Variants in RALGAPA1 observed in about 807,000 individuals in gnomAD.
RALGAPA1 encodes the protein Ral GTPase activating protein catalytic subunit alpha 1.
In RALGAPA1, 52 loss-of-function variants were observed where a neutral mutation model predicts 269.6. The observed-to-expected ratio is 0.19, with a 90% CI of 0.15 to 0.24. RALGAPA1 has a LOEUF of 0.24. Among genes scored for constraint, RALGAPA1 ranks in the 10% least tolerant of loss-of-function variants. RALGAPA1 has a pLI of 1.00. For missense variants in RALGAPA1, 1,917 were observed against 3,013.9 expected, an observed-to-expected ratio of 0.64 and a Z score of 8.52; for synonymous variants, 817 against 1,008.3, an observed-to-expected ratio of 0.81 and a Z score of 3.60.
At chr14:35,739,116 A>G (rs1184357699) in intron 11 of RALGAPA1, among the ~76,000 whole-genome samples, 1 of 152,220 alleles carries the variant, frequency 6.6e-6, no homozygotes, top group Non-Finnish European at 1.5e-5. Context: ...TGAAACTTCA[A>G]ATCACTGAGA....
chr14:35,659,241 C>G, intron 27 of RALGAPA1, 45 bp from the exon 28 acceptor site: 3 of 1,389,734 alleles, frequency 2.2e-6, no homozygotes, highest in Non-Finnish European at 3.0e-6. Flanking sequence ...TGAGATTTCA[C>G]TCATTCATTC....
intron 39 of RALGAPA1, among the ~76,000 whole-genome samples, chr14:35,551,685 A>AG (rs1458422929): frequency 6.6e-6 from 1 of 152,210 alleles, no homozygotes; most frequent in Admixed American, 6.5e-5. Context: ...AATTCATCAA[A>AG]GCAAGAAAAT....
At chr14:35,679,218 T>C (rs1319637165) in intron 21 of RALGAPA1, among the ~76,000 whole-genome samples, 4 of 152,228 alleles carry the variant, frequency 2.6e-5, no homozygotes, top group Non-Finnish European at 4.4e-5. Flanking sequence ...CTTTTTATTT[T>C]AAGCTTCTTT....
chr14:35,637,714 G>A (rs1428494394), intron 31 of RALGAPA1, among the ~76,000 whole-genome samples: 1 of 152,122 alleles, frequency 6.6e-6, no homozygotes, highest in Non-Finnish European at 1.5e-5. Flanking sequence ...TCAAGTACAA[G>A]TAGGTTATAG....
chr14:35,675,443 C>T (rs541137213), intron 22 of RALGAPA1, among the ~76,000 whole-genome samples: 40 of 152,124 alleles, frequency 2.6e-4, no homozygotes, highest in Non-Finnish European at 2.1e-4. Flanking sequence ...CCCAAAGTGT[C>T]GGGATTACAG....
intron 37 of RALGAPA1, among the ~76,000 whole-genome samples, chr14:35,586,173 T>C (rs945490556): frequency 2.6e-5 from 4 of 152,222 alleles, no homozygotes; most frequent in African/African-American, 4.8e-5. Context: ...TTCACATCCA[T>C]TGTAAGTTGG....
At chr14:35,580,825 G>C (rs1428631722) in intron 37 of RALGAPA1, among the ~76,000 whole-genome samples, 1 of 152,074 alleles carries the variant, frequency 6.6e-6, no homozygotes, top group African/African-American at 2.4e-5. Flanking sequence ...GCTTGCCAGA[G>C]GCATGGCTAT....
intron 41 of RALGAPA1, among the ~76,000 whole-genome samples, chr14:35,544,813 G>T (rs548620160): frequency 6.6e-6 from 1 of 152,314 alleles, no homozygotes; most frequent in South Asian, 2.1e-4. Context: ...TTGGGAGGCT[G>T]AGGTGGGTGG....
chr14:35,627,720 C>T lies in RALGAPA1; in HGVS notation c.6227G>A (p.Cys2076Tyr), dbSNP rs1226959953. The stretch of plus-strand genomic sequence containing the variant: ...ATTCTCTTCTGATCTGATCTGGATA[C>T]AGGACACTAAGGTTGTATTATTTAA... ...FVLNNTTLVS[C>Y]IQIRSEENMP... Residue 2076 changes from cysteine (C) to tyrosine (Y), a missense_variant, in exon 34 of 42, where the codon TGT becomes TAT. Physicochemically the swap from Cys to Tyr is radical, Grantham distance 194 (BLOSUM62 -2). This residue lies in a region of RALGAPA1 where 346 missense variants were observed against 566.1 expected (regional missense o/e 0.61). Transcript: ENST00000680220. The T allele has an allele frequency of 6.2e-7, 1 of 1,613,022 alleles. No individual in the cohort carries two copies. Among genetic ancestry groups the T allele is most frequent in the African/African-American group, 1.3e-5 (1 of 74,992 alleles).
chr14:35,803,518 A>T (rs2077125722), intron 1 of RALGAPA1, among the ~76,000 whole-genome samples: 1 of 152,184 alleles, frequency 6.6e-6, no homozygotes, highest in South Asian at 2.1e-4. Flanking sequence ...CAAAGAAACA[A>T]CTTCTTCTTC....
chr14:35,588,231 C>T (rs1456852270), intron 37 of RALGAPA1, among the ~76,000 whole-genome samples: 2 of 152,178 alleles, frequency 1.3e-5, no homozygotes, highest in African/African-American at 4.8e-5. Flanking sequence ...TCCCGGCCAA[C>T]AACTCTTAAA....
At chr14:35,743,492 T>C (rs2071759965) in intron 10 of RALGAPA1, among the ~76,000 whole-genome samples, 1 of 152,178 alleles carries the variant, frequency 6.6e-6, no homozygotes, top group Admixed American at 6.5e-5. Flanking sequence ...GTTACACTTT[T>C]TTGTAACTCA....
At chr14:35,612,403 C>T (rs977992817) in intron 35 of RALGAPA1, among the ~76,000 whole-genome samples, 1 of 148,954 alleles carries the variant, frequency 6.7e-6, no homozygotes, top group Non-Finnish European at 1.5e-5. Flanking sequence ...AAGTCAGACT[C>T]TTCCACCATA....
At chr14:35,702,384 T>C (rs1170777941) in intron 16 of RALGAPA1, among the ~76,000 whole-genome samples, 1 of 152,138 alleles carries the variant, frequency 6.6e-6, no homozygotes, top group Non-Finnish European at 1.5e-5. Flanking sequence ...AGGTAAAAAA[T>C]ATAGAAGCAT....
chr14:35,542,312 G>C (rs902878688), intron 41 of RALGAPA1: 1 of 259,712 alleles, frequency 3.9e-6, no homozygotes, highest in Non-Finnish European at 7.5e-6. Context: ...TTCCACATTA[G>C]ACAGTGCAGA....
chr14:35,645,244 C>T (rs2139901108), intron 31 of RALGAPA1, among the ~76,000 whole-genome samples: 1 of 152,230 alleles, frequency 6.6e-6, no homozygotes, highest in Non-Finnish European at 1.5e-5. Context: ...AATTACCTCT[C>T]AAAGGCCCCA....
At chr14:35,707,590 A>G (rs2067918109) in intron 16 of RALGAPA1, 1 of 152,128 alleles carries the variant, frequency 6.6e-6, no homozygotes, top group Admixed American at 6.5e-5. Flanking sequence ...TAGCCTGTGG[A>G]TGAGATGAAT....
chr14:35,613,302 G>C (rs935437304), intron 35 of RALGAPA1, among the ~76,000 whole-genome samples: 4 of 151,856 alleles, frequency 2.6e-5, no homozygotes, highest in South Asian at 2.1e-4. Flanking sequence ...GGCTGGTCTT[G>C]AACTCCTGAC....
At chr14:35,677,363 T>C (rs1482890543) in intron 22 of RALGAPA1, 2 of 153,310 alleles carry the variant, frequency 1.3e-5, no homozygotes, top group Non-Finnish European at 2.9e-5. Context: ...AATGTGCATA[T>C]TTGTCTGATG....
Sources: gnomAD v4.1 joint callset for allele counts (sites outside exome capture counted in the v4.1 genomes callset) on GRCh38, gnomAD v4.1.1 for gene constraint, gnomAD v4.1.1 regional missense constraint, MANE v1.5 for transcripts, NCBI Gene and HGNC (gene_info 2026-07-23, HGNC 2026-07-21) for gene names.